The following FAT1 variants were observed in gnomAD, a reference collection of about 807,000 sequenced individuals.
FAT1 encodes the protein FAT atypical cadherin 1.
FAT1 carries 171 observed loss-of-function variants against 329.8 expected under a neutral mutation model. That is an observed-to-expected ratio of 0.52 (90% CI 0.46 to 0.59). The LOEUF (loss-of-function observed/expected upper bound fraction) is 0.59. Among genes scored for constraint, FAT1 ranks in the 20% least tolerant of loss-of-function variants. The pLI, the probability that FAT1 is intolerant of heterozygous loss-of-function variation, is 0.00. For synonymous variants in FAT1, 2,233 were observed against 2,228.6 expected, an observed-to-expected ratio of 1.00 and a Z score of -0.06; for missense variants, 5,672 against 5,774.4, an observed-to-expected ratio of 0.98 and a Z score of 0.57.
upstream of FAT1, among the ~76,000 whole-genome samples, chr4:186,725,757 AC>A (rs1180588360): frequency 1.3e-5 from 2 of 151,996 alleles, no homozygotes; most frequent in Non-Finnish European, 2.9e-5. This position sits in a 1 kb window ranked among gnomAD's most constrained non-coding sequence, Gnocchi z 5.4. Context: ...ACCCTCCCTA[AC>A]CCTGTCCCCA....
intron 2 of FAT1, among the ~76,000 whole-genome samples, chr4:186,666,193 A>G (rs971653339): frequency 4.6e-5 from 7 of 152,058 alleles, no homozygotes; most frequent in Non-Finnish European, 1.0e-4. Flanking sequence ...AGTAAAAAAA[A>G]AAAAATGAAA....
chr4:186,613,469 G>C (rs1239892599), intron 12 of FAT1, 127 bp from the exon 13 acceptor site: 2 of 707,846 alleles, frequency 2.8e-6, no homozygotes, highest in African/African-American at 3.5e-5. Flanking sequence ...CTTGAGACCA[G>C]TATTATCAAT....
At chr4:186,604,715 G>A in intron 17 of FAT1, 141 bp from the exon 18 acceptor site, 1 of 555,210 alleles carries the variant, frequency 1.8e-6, no homozygotes, top group African/African-American at 1.9e-5. Context: ...AGAGAAGAAA[G>A]GTGGAGACGG....
rs962969046 is a variant in FAT1 at position 186,663,398 on chromosome 4, T to A, written c.3481A>T (p.Ile1161Phe). Residue 1161 changes from isoleucine (I) to phenylalanine (F), a missense_variant, in exon 3 of 27, where the codon ATC (isoleucine) becomes TTC (phenylalanine). By Grantham distance (21) the Ile-to-Phe change is conservative (BLOSUM62 0). Transcript: ENST00000441802. The stretch of plus-strand genomic sequence containing the variant: ...CTCGAATCTGGATCAAATGCCTCGA[T>A]CTGGACCACAGATACATCTTTAGGA... Reference protein sequence around the residue: ...NSPKDVSVVQIEAFDPDSSSN... With the variant: ...NSPKDVSVVQFEAFDPDSSSN... 1 of 1,614,072 alleles carries A rather than the reference T, an allele frequency of 6.2e-7. No homozygotes were observed. The highest frequency in any genetic ancestry group is 8.5e-7 in the Non-Finnish European group (1 of 1,179,906).
intron 7 of FAT1, among the ~76,000 whole-genome samples, chr4:186,633,023 T>C (rs1240669244): frequency 1.3e-5 from 2 of 152,200 alleles, no homozygotes; most frequent in Non-Finnish European, 2.9e-5. Context: ...GGTAAATAAA[T>C]GAGTGAATGA....
chr4:186,674,651 T>C (rs1742867690), intron 2 of FAT1, among the ~76,000 whole-genome samples: 1 of 152,106 alleles, frequency 6.6e-6, no homozygotes, highest in Admixed American at 6.5e-5. Flanking sequence ...ACCAGGCCCA[T>C]TTAGGATAAA....
At chr4:186,666,683 C>G (rs1467037442) in intron 2 of FAT1, among the ~76,000 whole-genome samples, 1 of 152,216 alleles carries the variant, frequency 6.6e-6, no homozygotes, top group East Asian at 1.9e-4. Context: ...GAGGCATTTA[C>G]AAACAGTGAT....
Position 186,589,206 on chromosome 4 carries a change from T to C in FAT1, c.13153A>G (p.Thr4385Ala), listed in dbSNP as rs756222327. ...GGAACGCTTGGCATCCAATCTGATGTATCCCAGTGATACCCTTGGTGGAAA... is the reference window on the plus strand; with the variant it reads ...GGAACGCTTGGCATCCAATCTGATGCATCCCAGTGATACCCTTGGTGGAAA... ...SCDDNGYHWD[T>A]SDWMPSVPLP... Residue 4385 changes from threonine (T) to alanine (A), a missense_variant, in exon 27 of 27, where the codon ACA becomes GCA. Physicochemically the swap from Thr to Ala is moderately conservative, Grantham distance 58 (BLOSUM62 0). This residue lies in a region of FAT1 where 1,706 missense variants were observed against 1,859.1 expected (regional missense o/e 0.92). Transcript: ENST00000441802. The C allele has an allele frequency of 1.1e-5, 18 of 1,609,004 alleles. No homozygotes were observed. Among genetic ancestry groups the C allele is most frequent in the Non-Finnish European group, 1.5e-5 (18 of 1,177,668 alleles).
chr4:186,630,166 T>C (rs543105514), intron 7 of FAT1, among the ~76,000 whole-genome samples: 1 of 152,294 alleles, frequency 6.6e-6, no homozygotes, highest in Admixed American at 6.5e-5. Context: ...TACCAGGCAA[T>C]GTTCTGCACA....
intron 1 of FAT1, among the ~76,000 whole-genome samples, chr4:186,716,151 T>C (rs1390952833): frequency 6.6e-6 from 1 of 152,176 alleles, no homozygotes; most frequent in Non-Finnish European, 1.5e-5. Context: ...GCCGCATATT[T>C]ATTACTGAGC....
rs2126526903 is a variant in FAT1 at position 186,621,613 on chromosome 4, G to A, written c.4973C>T (p.Thr1658Ile). The A allele has an allele frequency of 6.2e-7, 1 of 1,614,012 alleles. No individual in the cohort carries two copies. The highest frequency in any genetic ancestry group is 1.1e-5 in the South Asian group (1 of 91,084). Residue 1658 changes from threonine to isoleucine, a missense_variant, in exon 10 of 27, where the codon ACA (threonine) becomes ATA (isoleucine). By Grantham distance (89) the Thr-to-Ile change is moderately conservative. Coordinates refer to ENST00000441802, the MANE Select transcript of FAT1 (RefSeq NM_005245.4). ...SEITSVRIFV[T>I]IADNASPKFT... ...CTTCGGAGAGGCGTTGTCAGCAATT[G>A]TGACAAAGATACGCACAGAAGTTAT... is the stretch of plus-strand genomic sequence containing the variant.
At chr4:186,605,604 A>G (rs1579306476) in intron 17 of FAT1, among the ~76,000 whole-genome samples, 7 of 30,978 alleles carry the variant, frequency 2.3e-4, no homozygotes, top group Admixed American at 4.4e-4. Flanking sequence ...AGTGGGGAGG[A>G]GGGAAGAGTG....
At chr4:186,671,500 C>T (rs1013168779) in intron 2 of FAT1, among the ~76,000 whole-genome samples, 2 of 151,950 alleles carry the variant, frequency 1.3e-5, no homozygotes, top group Admixed American at 6.6e-5. Context: ...GAGTTAAAGA[C>T]CAGCCTGCCC....
At chr4:186,695,802 C>CACA (rs955424062) in intron 2 of FAT1, among the ~76,000 whole-genome samples, 1 of 146,808 alleles carries the variant, frequency 6.8e-6, no homozygotes, top group Admixed American at 6.8e-5. Context: ...CACACACACA[C>CACA]ATTTTTGAGA....
In FAT1 at chr4:186,596,541, G is replaced by A. The variant is rs1446616535; in HGVS notation, c.12999C>T (p.Asp4333=). 9 of 1,611,458 alleles carry A rather than the reference G, an allele frequency of 5.6e-6. No homozygotes were observed. The highest frequency in any genetic ancestry group is 6.8e-6 in the Non-Finnish European group (8 of 1,179,036). Residue 4333 remains aspartate, a splice_region_variant and synonymous_variant, in exon 25 of 27, where the codon GAC becomes GAT. Coordinates refer to ENST00000441802, the MANE Select transcript of FAT1 (RefSeq NM_005245.4). This position sits in a 1 kb window ranked among gnomAD's most constrained non-coding sequence, Gnocchi z 4.7. ...GTGAGATGAAAAAGTGGCTCTTACT[G>A]TCATAGTCAAAGTCCCAGCTAGGCT... The part of the protein sequence containing the change: ...IQKPSWDFDY[D]TKVVDLDPCL...
intron 2 of FAT1, among the ~76,000 whole-genome samples, chr4:186,665,680 A>G (rs1182860392): frequency 6.6e-6 from 1 of 152,098 alleles, no homozygotes; most frequent in Admixed American, 6.5e-5. Context: ...TGCTGTGCAG[A>G]AGCTCTTTAG....
intron 3 of FAT1, among the ~76,000 whole-genome samples, chr4:186,646,552 T>C (rs1741393484): frequency 1.3e-5 from 2 of 152,178 alleles, no homozygotes; most frequent in South Asian, 2.1e-4. Context: ...TAAATTTAAA[T>C]AGTCACCAAT....
chr4:186,589,149 C>T lies in FAT1; in HGVS notation c.13210G>A (p.Glu4404Lys), dbSNP rs2126356969. 6.2e-7 allele frequency: 1 copy of T among 1,613,912 alleles called. No homozygotes were observed. The highest frequency in any genetic ancestry group is 8.5e-7 in the Non-Finnish European group (1 of 1,179,870). The change falls in exon 27 of 27, where the codon GAG becomes AAG. Residue 4404 changes from glutamate (E) to lysine (K), a missense_variant. Glu to Lys is a moderately conservative substitution (Grantham distance 56). Transcript: ENST00000441802. ...AGGGGTGTCTGCTCATCAATCACCT[C>T]ATAGTTGGGGAACTCTTGTATGTCC... ...LPDIQEFPNY[E>K]VIDEQTPLYS...
chr4:186,604,030 T>C, intron 18 of FAT1, 53 bp from the exon 19 acceptor site: 1 of 1,371,118 alleles, frequency 7.3e-7, no homozygotes, highest in Non-Finnish European at 1.0e-6. Context: ...GTTTATAACT[T>C]CTTCAATAAA....
Sources: allele counts gnomAD v4.1 joint callset (sites outside exome capture counted in the v4.1 genomes callset), GRCh38; gene constraint gnomAD v4.1.1; regional missense constraint gnomAD v4.1.1; non-coding constraint Gnocchi (gnomAD v3.1); transcripts MANE v1.5; gene names NCBI Gene and HGNC (gene_info 2026-07-23, HGNC 2026-07-21).